Variants in STAU1 observed in about 807,000 individuals in gnomAD.
The protein encoded by STAU1 is staufen double-stranded RNA binding protein 1.
STAU1 carries 13 observed loss-of-function variants against 62.9 expected under a neutral mutation model. The ratio of observed to expected loss-of-function variants is 0.21; its 90% CI spans 0.13 to 0.33. STAU1 has a LOEUF of 0.33. Ranked by LOEUF, STAU1 falls within the 10% of genes least tolerant of loss-of-function variation. The pLI, the probability that STAU1 is intolerant of heterozygous loss-of-function variation, is 1.00. For missense variants in STAU1, 571 were observed against 712.1 expected (o/e 0.80, Z 2.25); for synonymous variants, 269 against 265.1 (o/e 1.01, Z -0.14).
At chr20:49,206,186 G>T in the STAU1 span, among the ~76,000 whole-genome samples, 1 of 149,548 alleles carries the variant, frequency 6.7e-6, no homozygotes, top group African/African-American at 2.5e-5. Context: ...TAAGTACGGG[G>T]TTTTACCATA....
chr20:49,115,215 G>C (rs1472421565), intron 13 of STAU1, among the ~76,000 whole-genome samples: 2 of 152,008 alleles, frequency 1.3e-5, no homozygotes, highest in African/African-American at 4.8e-5. Context: ...TAGGAGGGAT[G>C]GGATGGGGGC....
At chr20:49,197,570 T>G in the STAU1 span, among the ~76,000 whole-genome samples, 1 of 151,650 alleles carries the variant, frequency 6.6e-6, no homozygotes, top group African/African-American at 2.4e-5. Flanking sequence ...CCAGCTAATT[T>G]TTGTATTTTT....
chr20:49,209,121 A>C, the STAU1 span, among the ~76,000 whole-genome samples: 1 of 150,016 alleles, frequency 6.7e-6, no homozygotes, highest in Non-Finnish European at 1.5e-5. Context: ...TTTTTAGAAG[A>C]GACGGGTTTC....
At chr20:49,211,377 TTTC>T in the STAU1 span, among the ~76,000 whole-genome samples, 3 of 151,382 alleles carry the variant, frequency 2.0e-5, no homozygotes, top group Non-Finnish European at 1.5e-5. Context: ...TCTTTTTTTT[TTTC>T]TTTTAATAGA....
chr20:49,165,987 A>T lies in STAU1; in HGVS notation c.205+10T>A, dbSNP rs8114270. 1,248 of 1,613,650 alleles carry T rather than the reference A, an allele frequency of 7.7e-4. No individual in the cohort carries two copies. The highest frequency in any genetic ancestry group is 1.0e-3 in the Non-Finnish European group (1,192 of 1,179,632). ...TTTGAAATAGAAGACACTTGGATTCATATGCTTACCTGCAGCTGCACTGGT... is the reference window on the plus strand; with the variant it reads ...TTTGAAATAGAAGACACTTGGATTCTTATGCTTACCTGCAGCTGCACTGGT... On this transcript the variant is annotated intron_variant, in intron 3 of 13. Transcript: ENST00000371856.
chr20:49,125,178 C>T (rs1416625942), intron 6 of STAU1, among the ~76,000 whole-genome samples: 3 of 80,766 alleles, frequency 3.7e-5, no homozygotes, highest in Non-Finnish European at 6.8e-5. Flanking sequence ...AACAGACACA[C>T]ATTTATAAGC....
intron 6 of STAU1, chr20:49,134,906 A>G: frequency 6.3e-7 from 1 of 1,591,732 alleles, no homozygotes. Context: ...GACTGGACTG[A>G]GACTTTGTGA....
chr20:49,166,055 T>G lies in STAU1; in HGVS notation c.147A>C (p.Arg49Ser). The G allele has an allele frequency of 6.2e-7, 1 of 1,614,130 alleles. No homozygotes were observed. The highest frequency in any genetic ancestry group is 8.5e-7 in the Non-Finnish European group (1 of 1,180,018). Reference protein sequence around the residue: ...TSSLPSENAGRPIQNSALPSA... With the variant: ...TSSLPSENAGSPIQNSALPSA... ...AGGGTAAAGCAGAGTTTTGAATGGG[T>G]CTACCTGCATTTTCAGAGGGCAGAG... Residue 49 changes from arginine to serine, a missense_variant, in exon 3 of 14, where the codon AGA becomes AGC. By Grantham distance (110) the Arg-to-Ser change is moderately radical. Transcript: ENST00000371856.
chr20:49,128,267 A>C (rs2092675918), intron 6 of STAU1, among the ~76,000 whole-genome samples: 2 of 152,210 alleles, frequency 1.3e-5, no homozygotes, highest in Admixed American at 1.3e-4. Flanking sequence ...TCGAGGTTGC[A>C]GTGAGGTGAG....
At position 49,165,997 on chromosome 20, in the gene STAU1, C is replaced by T; in HGVS notation, c.205G>A (p.Glu69Lys). ...AAGACACTTGGATTCATATGCTTAC[C>T]TGCAGCTGCACTGGTGGATGTAATA... The part of the protein sequence containing the change: ...ASITSTSAAA[E>K]SITPTVELNA... Residue 69 changes from glutamate to lysine, a missense_variant and splice_region_variant, in exon 3 of 14, where the codon GAA becomes AAA. By Grantham distance (56) the Glu-to-Lys change is moderately conservative. Around this residue, in one of 3 missense-constraint regions of STAU1, gnomAD observed 414 missense variants for 499.6 expected, o/e 0.83. Transcript: ENST00000371856. 1 of 1,614,042 alleles carries T rather than the reference C, an allele frequency of 6.2e-7. No homozygotes were observed. Among genetic ancestry groups the T allele is most frequent in the East Asian group, 2.2e-5 (1 of 44,886 alleles).
rs1218956874 is a variant in STAU1 at position 49,117,728 on chromosome 20, A to T, written c.1509+49T>A. On this transcript the variant is annotated intron_variant, in intron 11 of 13. Transcript: ENST00000371856. This position sits in a 1 kb window ranked among gnomAD's most constrained non-coding sequence, Gnocchi z 4.6. ...AGTTCATTTTCTGAGAGAAGCCAAA[A>T]GATGACTGTCCTGAGGCACAGCCAT... The T allele has an allele frequency of 6.6e-7, 1 of 1,521,388 alleles. No individual in the cohort carries two copies. Among genetic ancestry groups the T allele is most frequent in the East Asian group, 2.3e-5 (1 of 44,188 alleles). The allele number at this position is 1,521,388 out of a possible 1,614,324, so 94.2% of individuals were successfully genotyped here.
intron 2 of STAU1, among the ~76,000 whole-genome samples, chr20:49,169,768 G>C (rs184677042): frequency 1.3e-5 from 2 of 152,180 alleles, no homozygotes; most frequent in African/African-American, 4.8e-5. Flanking sequence ...TTCATCTCCT[G>C]GTTCTTTCCC....
chr20:49,158,525 A>G (rs921860170), intron 3 of STAU1: 2 of 1,302,774 alleles, frequency 1.5e-6, no homozygotes, highest in Non-Finnish European at 2.0e-6. Context: ...AGAATCCTTT[A>G]TTGGCCAGGT....
intron 5 of STAU1, among the ~76,000 whole-genome samples, chr20:49,146,281 TAAAC>T (rs1386329043): frequency 6.6e-6 from 1 of 151,842 alleles, no homozygotes; most frequent in African/African-American, 2.4e-5. Context: ...AATAAATAAA[TAAAC>T]AAATGGGTCT....
chr20:49,185,427 C>A (rs927695995), intron 1 of STAU1, among the ~76,000 whole-genome samples: 4 of 152,166 alleles, frequency 2.6e-5, no homozygotes, highest in African/African-American at 9.7e-5. Flanking sequence ...GAGCTGAAGG[C>A]ATTGGATCAA....
chr20:49,206,259 G>T, the STAU1 span, among the ~76,000 whole-genome samples: 1 of 151,496 alleles, frequency 6.6e-6, no homozygotes, highest in East Asian at 1.9e-4. Flanking sequence ...CTCCCAAAGT[G>T]CTGGGATTAC....
In STAU1 at chr20:49,159,071, C is replaced by A. The variant is rs148445872; in HGVS notation, c.206-5000G>T. 1.0e-3 allele frequency: 1,319 copies of A among 1,261,374 alleles called. 15 individuals carry two copies. The African/African-American group carries it at 0.019, about 18-fold the overall frequency. The allele number at this position is 1,261,374 out of a possible 1,614,324, so 78.1% of individuals were successfully genotyped here. ...CCTGGCAGGCAGGAAGGTCAAATGG[C>A]AGAAGCCTGCAACGCAGTACAATCC... On this transcript the variant is annotated intron_variant, in intron 3 of 13. Transcript: ENST00000371856.
chr20:49,145,283 C>T (rs547773768), intron 5 of STAU1, among the ~76,000 whole-genome samples: 9 of 150,508 alleles, frequency 6.0e-5, no homozygotes, highest in African/African-American at 2.0e-4. Context: ...AATTAGCCGG[C>T]GGTAGTGGCA....
chr20:49,144,103 T>C (rs1414710832), intron 5 of STAU1, among the ~76,000 whole-genome samples: 6 of 152,238 alleles, frequency 3.9e-5, no homozygotes, highest in Non-Finnish European at 7.3e-5. Context: ...CTTTCATTTT[T>C]GGATTATAAA....
Sources: gnomAD v4.1 joint callset for allele counts (sites outside exome capture counted in the v4.1 genomes callset) on GRCh38, gnomAD v4.1.1 for gene constraint, gnomAD v4.1.1 regional missense constraint, Gnocchi (gnomAD v3.1) non-coding constraint, MANE v1.5 for transcripts, NCBI Gene and HGNC (gene_info 2026-07-23, HGNC 2026-07-21) for gene names.